Variants in ELOVL5 observed in about 807,000 individuals in gnomAD.
The protein encoded by ELOVL5 is ELOVL fatty acid elongase 5, also known as very long chain fatty acid elongase 5.
Under a neutral mutation model 38.6 loss-of-function variants are expected in ELOVL5, and 8 were observed. The ratio of observed to expected loss-of-function variants is 0.21; its 90% confidence interval spans 0.12 to 0.37. The LOEUF (loss-of-function observed/expected upper bound fraction) is 0.37. Ranked by LOEUF, ELOVL5 falls within the 10% of genes least tolerant of loss-of-function variation. The pLI, the probability that ELOVL5 is intolerant of heterozygous loss-of-function variation, is 1.00. For missense variants in ELOVL5, 280 were observed against 367.8 expected (o/e 0.76, Z 1.95); for synonymous variants, 127 against 133.7 (o/e 0.95, Z 0.34).
At chr6:53,270,790 C>T in intron 6 of ELOVL5, 63 bp from the exon 7 acceptor site, 1 of 1,588,220 alleles carries the variant, frequency 6.3e-7, no homozygotes, top group South Asian at 1.1e-5. Flanking sequence ...CCACACCAGG[C>T]AGACTTTTTA....
chr6:53,274,858 A>G (rs1766053265), intron 5 of ELOVL5, among the ~76,000 whole-genome samples: 1 of 152,212 alleles, frequency 6.6e-6, no homozygotes, highest in South Asian at 2.1e-4. Flanking sequence ...CTATTCCTTA[A>G]TATGTCCCCA....
rs111973026 is a variant in ELOVL5, at chr6:53,278,097, T to C, written c.247-1841A>G. On this transcript the variant is annotated intron_variant, in intron 3 of 7. Coordinates refer to ENST00000304434, the MANE Select transcript of ELOVL5 (RefSeq NM_021814.5). The stretch of plus-strand genomic sequence containing the variant: ...AATTAAAAACGTACTAACATATGAC[T>C]GTCTTCATCAGAGATATTTTTGGAA... 5.3e-5 allele frequency among the ~76,000 whole-genome samples: 8 copies of C among 152,370 alleles called. 2 individuals are homozygous for C. The highest frequency in any genetic ancestry group is 1.9e-4 in the African/African-American group (8 of 41,598).
At chr6:53,340,554 G>A (rs1274610940) in intron 1 of ELOVL5, among the ~76,000 whole-genome samples, 1 of 152,112 alleles carries the variant, frequency 6.6e-6, no homozygotes, top group Non-Finnish European at 1.5e-5. Context: ...CTACATAGTT[G>A]TATCATTTTT....
rs540016794 is a variant in ELOVL5, at chr6:53,305,729, C to T, written c.-8-10022G>A. On this transcript the variant is annotated intron_variant, in intron 1 of 7. Coordinates refer to ENST00000304434, the MANE Select transcript of ELOVL5 (RefSeq NM_021814.5). ...CTCCTCACTTTCCAGACTGGGCAGC[C>T]AGGCAGAGGGTCTCCTCACATCCCA... is the stretch of plus-strand genomic sequence containing the variant. 1.6e-4 allele frequency among the ~76,000 whole-genome samples: 24 copies of T among 149,438 alleles called. No individual in the cohort carries two copies. The East Asian group carries it at 4.6e-3, about 29-fold the overall frequency.
chr6:53,328,003 T>G (rs1768626779), intron 1 of ELOVL5, among the ~76,000 whole-genome samples: 1 of 152,082 alleles, frequency 6.6e-6, no homozygotes. Flanking sequence ...CTTTTCCACC[T>G]CCTGTATCCC....
At chr6:53,320,673 G>C (rs1458637602) in intron 1 of ELOVL5, among the ~76,000 whole-genome samples, 1 of 151,982 alleles carries the variant, frequency 6.6e-6, no homozygotes, top group African/African-American at 2.4e-5. Context: ...TACTATGCTA[G>C]GACATAGCAT....
chr6:53,347,403 T>G (rs1478884402), intron 1 of ELOVL5, among the ~76,000 whole-genome samples: 3 of 152,206 alleles, frequency 2.0e-5, no homozygotes, highest in Non-Finnish European at 4.4e-5. Context: ...GATGGAAGGC[T>G]AAAATGTTTG....
intron 1 of ELOVL5, among the ~76,000 whole-genome samples, chr6:53,344,181 A>C (rs769136944): frequency 3.8e-4 from 58 of 152,218 alleles, no homozygotes; most frequent in Non-Finnish European, 7.1e-4. Context: ...AATTGGAAGA[A>C]ACAGCTAGTC....
At chr6:53,295,053 T>C (rs1304309245) in intron 2 of ELOVL5, among the ~76,000 whole-genome samples, 1 of 152,242 alleles carries the variant, frequency 6.6e-6, no homozygotes, top group Non-Finnish European at 1.5e-5. Context: ...GTTTTAAAAA[T>C]CATGAGAAAC....
At chr6:53,320,978 T>C (rs1768282653) in intron 1 of ELOVL5, among the ~76,000 whole-genome samples, 1 of 152,208 alleles carries the variant, frequency 6.6e-6, no homozygotes, top group Non-Finnish European at 1.5e-5. Flanking sequence ...TATTTATGTA[T>C]ATGGAGACCC....
At chr6:53,346,393 T>C (rs1375595439) in intron 1 of ELOVL5, among the ~76,000 whole-genome samples, 6 of 152,154 alleles carry the variant, frequency 3.9e-5, no homozygotes, top group Admixed American at 3.9e-4. Flanking sequence ...GTCTTCATAG[T>C]GCTCCTCAAT....
At chr6:53,325,040 G>A (rs1768480835) in intron 1 of ELOVL5, among the ~76,000 whole-genome samples, 1 of 152,150 alleles carries the variant, frequency 6.6e-6, no homozygotes, top group South Asian at 2.1e-4. Context: ...ACCGAAACAA[G>A]GTAGAAAAGC....
intron 1 of ELOVL5, among the ~76,000 whole-genome samples, chr6:53,300,065 C>G (rs1352001000): frequency 1.3e-5 from 2 of 152,128 alleles, no homozygotes; most frequent in African/African-American, 4.8e-5. Context: ...AGGCCCTAAT[C>G]AGGAGAGTCC....
intron 3 of ELOVL5, among the ~76,000 whole-genome samples, chr6:53,276,532 G>A (rs1391677959): frequency 6.6e-6 from 1 of 152,064 alleles, no homozygotes. Flanking sequence ...CCCTCAGCCC[G>A]TCACCCCCTT....
intron 1 of ELOVL5, among the ~76,000 whole-genome samples, chr6:53,332,720 T>G (rs1028986057): frequency 6.6e-6 from 1 of 152,238 alleles, no homozygotes; most frequent in African/African-American, 2.4e-5. Context: ...ACACACTTTT[T>G]GGAAACCAAA....
intron 1 of ELOVL5, among the ~76,000 whole-genome samples, chr6:53,344,969 C>T (rs1456542860): frequency 1.3e-5 from 2 of 152,186 alleles, no homozygotes; most frequent in African/African-American, 4.8e-5. Context: ...GTCCTTAAAA[C>T]AGACGCTGTA....
At chr6:53,345,673 G>A (rs1489504803) in intron 1 of ELOVL5, among the ~76,000 whole-genome samples, 1 of 63,900 alleles carries the variant, frequency 1.6e-5, no homozygotes, top group Non-Finnish European at 5.1e-5. Context: ...AGATTTAAGA[G>A]ACAATAAATT....
chr6:53,304,642 T>C (rs1266373311), intron 1 of ELOVL5, among the ~76,000 whole-genome samples: 1 of 152,146 alleles, frequency 6.6e-6, no homozygotes, highest in Non-Finnish European at 1.5e-5. Context: ...ACGAGCATGC[T>C]GCCTTCAAGC....
intron 1 of ELOVL5, among the ~76,000 whole-genome samples, chr6:53,335,891 C>T (rs1453476891): frequency 6.6e-6 from 1 of 152,148 alleles, no homozygotes; most frequent in Non-Finnish European, 1.5e-5. Context: ...TTCTTACATC[C>T]TGCTGCTCGG....
Sources: gnomAD v4.1 joint callset for allele counts (sites outside exome capture counted in the v4.1 genomes callset) on GRCh38, gnomAD v4.1.1 for gene constraint, MANE v1.5 for transcripts, NCBI Gene and HGNC (gene_info 2026-07-23, HGNC 2026-07-21) for gene names.